C8A: variants seen among roughly 807,000 people sequenced by gnomAD.
The protein encoded by C8A is complement C8 alpha chain, also known as complement component C8 alpha chain.
C8A carries 67 observed loss-of-function variants against 65.3 expected under a neutral mutation model. That is an observed-to-expected ratio of 1.03 (90% CI 0.84 to 1.26). C8A has a LOEUF of 1.26. Ranked by LOEUF, C8A falls within the 50% of genes most tolerant of loss-of-function variation. The pLI is 0.00. For synonymous variants in C8A, 290 were observed against 259.4 expected (o/e 1.12, Z -1.13); for missense variants, 781 against 723.9 (o/e 1.08, Z -0.90).
At chr1:56,915,945 A>G in intron 10 of C8A, among the ~76,000 whole-genome samples, 1 of 152,358 alleles carries the variant, frequency 6.6e-6, no homozygotes, top group South Asian at 2.1e-4. Flanking sequence ...CCTGGCTTAA[A>G]GGAACAGATG....
intron 9 of C8A, among the ~76,000 whole-genome samples, chr1:56,911,845 C>A (rs1458276917): frequency 6.6e-6 from 1 of 152,184 alleles, no homozygotes; most frequent in Non-Finnish European, 1.5e-5. Context: ...TTTATTAATT[C>A]CTGCATTGAA....
intron 8 of C8A, 96 bp from the exon 9 acceptor site, chr1:56,907,860 T>G: frequency 7.1e-7 from 1 of 1,416,236 alleles, no homozygotes; most frequent in South Asian, 1.2e-5. Flanking sequence ...AAGGAAAACA[T>G]GTAAACTTTC....
chr1:56,878,353 G>T (rs57839684), intron 4 of C8A, among the ~76,000 whole-genome samples: 1 of 152,152 alleles, frequency 6.6e-6, no homozygotes, highest in Admixed American at 6.6e-5. Flanking sequence ...GGGGATTCTT[G>T]TTGATTTCAA....
At chr1:56,870,603 C>T (rs1225769549) in intron 2 of C8A, among the ~76,000 whole-genome samples, 3 of 150,974 alleles carry the variant, frequency 2.0e-5, no homozygotes, top group East Asian at 1.9e-4. Flanking sequence ...AATAAGGTAA[C>T]GTTTACAGGT....
intron 7 of C8A, among the ~76,000 whole-genome samples, chr1:56,895,712 G>A (rs1570343379): frequency 6.6e-6 from 1 of 152,248 alleles, no homozygotes; most frequent in African/African-American, 2.4e-5. Context: ...GCCAAGTCTG[G>A]AGGATCATTT....
intron 7 of C8A, among the ~76,000 whole-genome samples, chr1:56,900,837 G>T (rs1221794671): frequency 6.6e-6 from 1 of 152,136 alleles, no homozygotes; most frequent in Non-Finnish European, 1.5e-5. Flanking sequence ...TGACTTAGAA[G>T]CTTGTAGTCT....
In C8A at chr1:56,854,920, T is replaced by A. The variant is rs1236989252; in HGVS notation, c.19T>A (p.Phe7Ile). 6.2e-7 allele frequency: 1 copy of A among 1,613,742 alleles called. No individual in the cohort carries two copies. The highest frequency in any genetic ancestry group is 2.2e-5 in the East Asian group (1 of 44,872). MFAVVF[F>I]ILSLMTCQPG... is the part of the protein sequence containing the mutation. ...GGCTGAGATGTTTGCTGTTGTTTTC[T>A]TCATCTTGTCTTTGATGACTTGTCA... Residue 7 changes from phenylalanine (F) to isoleucine (I), a missense_variant, in exon 1 of 11, where the codon TTC becomes ATC. By Grantham distance (21) the Phe-to-Ile change is conservative (BLOSUM62 0). Coordinates refer to ENST00000361249, the MANE Select transcript of C8A (RefSeq NM_000562.3).
Position 56,912,394 on chromosome 1 carries a change from T to C in C8A, c.1381-9T>C. ...AGGGAGGGGCCCTGTGTTCTTTCTG[T>C]GCCCACAGATGCAGCCTATCCACGA... On this transcript the variant is annotated splice_polypyrimidine_tract_variant and intron_variant, in intron 9 of 10. Transcript: ENST00000361249. 6.2e-7 allele frequency: 1 copy of C among 1,613,380 alleles called. No homozygotes were observed.
chr1:56,872,525 G>A (rs1644156040), intron 2 of C8A, among the ~76,000 whole-genome samples: 1 of 152,056 alleles, frequency 6.6e-6, no homozygotes, highest in Non-Finnish European at 1.5e-5. Flanking sequence ...TTAAAAGAAA[G>A]TCAAACCTTT....
At chr1:56,887,036 G>A (rs1644305587) in intron 7 of C8A, among the ~76,000 whole-genome samples, 1 of 152,118 alleles carries the variant, frequency 6.6e-6, no homozygotes, top group Non-Finnish European at 1.5e-5. Context: ...ACTACAGTTT[G>A]AGAACCACTG....
chr1:56,908,600 C>G (rs1375755666), intron 9 of C8A, among the ~76,000 whole-genome samples: 2 of 152,174 alleles, frequency 1.3e-5, no homozygotes, highest in Non-Finnish European at 2.9e-5. Context: ...ATTCCTGGCT[C>G]AAAGGCCATA....
intron 1 of C8A, among the ~76,000 whole-genome samples, chr1:56,866,404 G>T (rs1052485216): frequency 6.6e-6 from 1 of 152,030 alleles, no homozygotes; most frequent in Admixed American, 6.6e-5. Context: ...CCAGCTCTTC[G>T]GAGTCTTTAG....
intron 9 of C8A, among the ~76,000 whole-genome samples, chr1:56,910,181 G>T (rs1016966597): frequency 9.9e-5 from 15 of 152,188 alleles, no homozygotes; most frequent in African/African-American, 2.7e-4. Context: ...GTTCAGCAGT[G>T]CTTATTTATA....
rs748562318 is a variant in C8A at position 56,917,643 on chromosome 1, A to G, written c.1682A>G (p.Glu561Gly). The G allele has an allele frequency of 4.3e-6, 7 of 1,614,178 alleles. No individual in the cohort carries two copies. In the East Asian group the frequency reaches 1.6e-4, roughly 36 times the overall value. Reference sequence around the variant, plus strand: ...GCAGGCATCCAGGAAAGGAGAAGAGAGTGTGACAATCCAGCACCTCAGAAT... The same window carrying G: ...GCAGGCATCCAGGAAAGGAGAAGAGGGTGTGACAATCCAGCACCTCAGAAT... ...CRAGIQERRR[E>G]CDNPAPQNGG... Residue 561 changes from glutamate (E) to glycine (G), a missense_variant, in exon 11 of 11, where the codon GAG (glutamate) becomes GGG (glycine). By Grantham distance (98) the Glu-to-Gly change is moderately conservative. Coordinates refer to ENST00000361249, the MANE Select transcript of C8A (RefSeq NM_000562.3).
At chr1:56,909,802 A>G (rs1644492283) in intron 9 of C8A, among the ~76,000 whole-genome samples, 1 of 152,212 alleles carries the variant, frequency 6.6e-6, no homozygotes, top group Non-Finnish European at 1.5e-5. Context: ...GAGATATTTC[A>G]CAAGACTCAG....
At chr1:56,893,230 A>G (rs1244354030) in intron 7 of C8A, among the ~76,000 whole-genome samples, 1 of 152,150 alleles carries the variant, frequency 6.6e-6, no homozygotes, top group African/African-American at 2.4e-5. Flanking sequence ...ATTAACCAAG[A>G]TAGTCATGAA....
At position 56,881,438 on chromosome 1, in the gene C8A, C is replaced by T; in HGVS notation, c.465-7C>T. ...TAGCTATTTAGAAGCTGCTTTGTTC[C>T]ATGTAGGTACAATATCCTGACCCAG... On this transcript the variant is annotated splice_polypyrimidine_tract_variant and splice_region_variant and intron_variant, in intron 4 of 10. Coordinates refer to ENST00000361249, the MANE Select transcript of C8A (RefSeq NM_000562.3). The T allele has an allele frequency of 1.2e-6, 2 of 1,613,478 alleles. No homozygotes were observed. Among genetic ancestry groups the T allele is most frequent in the Non-Finnish European group, 1.7e-6 (2 of 1,179,568 alleles).
chr1:56,889,616 G>A (rs547615093), intron 7 of C8A, among the ~76,000 whole-genome samples: 1 of 151,976 alleles, frequency 6.6e-6, no homozygotes, highest in South Asian at 2.1e-4. Flanking sequence ...TCTATTAAGT[G>A]GCTGTTTCTA....
At chr1:56,900,873 G>C (rs1644421651) in intron 7 of C8A, among the ~76,000 whole-genome samples, 1 of 152,116 alleles carries the variant, frequency 6.6e-6, no homozygotes, top group Non-Finnish European at 1.5e-5. Context: ...CCAAGAAATT[G>C]ACAATTACTA....
Sources: gnomAD v4.1 joint callset for allele counts (sites outside exome capture counted in the v4.1 genomes callset) on GRCh38, gnomAD v4.1.1 for gene constraint, MANE v1.5 for transcripts, NCBI Gene and HGNC (gene_info 2026-07-23, HGNC 2026-07-21) for gene names.